Variants in NOLC1 observed in about 807,000 individuals in gnomAD.
The protein encoded by NOLC1 is 140 kDa nucleolar phosphoprotein.
A neutral mutation model predicts 73.4 loss-of-function variants in NOLC1; 37 were observed. The ratio of observed to expected loss-of-function variants is 0.50; its 90% CI spans 0.39 to 0.66. The LOEUF (loss-of-function observed/expected upper bound fraction) is 0.66, where lower values mean the gene tolerates loss of function less well. Ranked by LOEUF, NOLC1 falls within the 30% of genes least tolerant of loss-of-function variation. The pLI is 0.00. For synonymous variants in NOLC1, 327 were observed against 302.6 expected (o/e 1.08, Z -0.84); for missense variants, 921 against 838.9 (o/e 1.10, Z -1.21).
intron 1 of NOLC1, among the ~76,000 whole-genome samples, chr10:102,154,163 T>C (rs1408818364): frequency 2.1e-5 from 3 of 145,282 alleles, no homozygotes; most frequent in South Asian, 2.2e-4. Context: ...CCTCTGCCTC[T>C]CAGGCTAAAG....
At chr10:102,158,287 T>C in intron 5 of NOLC1, 73 bp downstream of exon 5, 1 of 1,373,220 alleles carries the variant, frequency 7.3e-7, no homozygotes, top group Non-Finnish European at 1.0e-6. Context: ...AATTGCCGAT[T>C]TGGCACAGGG....
intron 1 of NOLC1, among the ~76,000 whole-genome samples, chr10:102,156,769 A>C (rs1159649498): frequency 6.6e-6 from 1 of 152,154 alleles, no homozygotes; most frequent in Non-Finnish European, 1.5e-5. Context: ...ACTTTGATCA[A>C]TATAGATTGG....
At position 102,158,284 on chromosome 10, in the gene NOLC1, G is replaced by A. The variant is rs746837228; in HGVS notation, c.607+70G>A. On this transcript the variant is annotated intron_variant, in intron 5 of 12. Coordinates refer to ENST00000605788, the MANE Select transcript of NOLC1 (RefSeq NM_004741.5). ...TCTGGGGACTGGAGTTAAAATTGCCGATTTGGCACAGGGGTGAAATGGTAC... is the reference window on the plus strand; with the variant it reads ...TCTGGGGACTGGAGTTAAAATTGCCAATTTGGCACAGGGGTGAAATGGTAC... The A allele has an allele frequency of 6.5e-5, 91 of 1,404,796 alleles. No individual in the cohort carries two copies. The African/African-American group carries it at 8.6e-4, about 13-fold the overall frequency. 87.0% of individuals were successfully genotyped at this position (1,404,796 alleles called of 1,614,324 possible).
At chr10:102,159,343 C>T (rs770868861) in intron 6 of NOLC1, 35 bp downstream of exon 6, 18 of 1,613,850 alleles carry the variant, frequency 1.1e-5, no homozygotes, top group Non-Finnish European at 1.4e-5. Flanking sequence ...GCAGAGGTGA[C>T]CAGGGTGTGA....
chr10:102,162,218 G>C lies in NOLC1; in HGVS notation c.2049G>C (p.Arg683=). 6.2e-7 allele frequency: 1 copy of C among 1,614,108 alleles called. No individual in the cohort carries two copies. The highest frequency in any genetic ancestry group is 8.5e-7 in the Non-Finnish European group (1 of 1,180,014). Residue 683 remains arginine (R), a synonymous_variant, in exon 13 of 13, where the codon CGG becomes CGC. Coordinates refer to ENST00000605788, the MANE Select transcript of NOLC1 (RefSeq NM_004741.5). ...CCAAGAAGAAGCGGGGCAGCTACCG[G>C]GGAGGCTCAATCTCTGTCCAGGTCA... The part of the protein sequence containing the change: ...EKTKKKRGSY[R]GGSISVQVNS...
At chr10:102,160,415 T>G (rs17114409) in intron 9 of NOLC1, 37 bp from the exon 10 acceptor site, 89,836 of 1,612,032 alleles carry the variant, frequency 0.056, 3,066 homozygotes, top group African/African-American at 0.14. Flanking sequence ...CTGAATCCAA[T>G]TTGGGGAGCT....
chr10:102,159,327 G>C lies in NOLC1; in HGVS notation c.723+19G>C. ...CAAGAAGGTCTGGACCATAACTTCTGTCAGGGCAGAGGTGACCAGGGTGTG... is the reference window on the plus strand; with the variant it reads ...CAAGAAGGTCTGGACCATAACTTCTCTCAGGGCAGAGGTGACCAGGGTGTG... On this transcript the variant is annotated intron_variant, in intron 6 of 12. Transcript: ENST00000605788. The C allele has an allele frequency of 6.2e-7, 1 of 1,614,106 alleles. No individual in the cohort carries two copies. Among genetic ancestry groups the C allele is most frequent in the African/African-American group, 1.3e-5 (1 of 75,024 alleles).
chr10:102,154,901 G>A (rs556836895), intron 1 of NOLC1, among the ~76,000 whole-genome samples: 2 of 152,146 alleles, frequency 1.3e-5, no homozygotes, highest in Non-Finnish European at 2.9e-5. Flanking sequence ...TGTCGCCCAG[G>A]CTGGAGTAAA....
In NOLC1 at chr10:102,161,627, C is replaced by G; in HGVS notation, c.1813C>G (p.Leu605Val). The change falls in exon 11 of 13, where the codon CTT becomes GTT. Residue 605 changes from leucine to valine, a missense_variant. By Grantham distance (32) the Leu-to-Val change is conservative. Coordinates refer to ENST00000605788, the MANE Select transcript of NOLC1 (RefSeq NM_004741.5). ...GACTCCTCAGGCCAAGAAGATAAAG[C>G]TTCAGACCCCTAACACATTTCCAAA... ...AETPQAKKIK[L>V]QTPNTFPKRK... 1 of 1,613,972 alleles carries G rather than the reference C, an allele frequency of 6.2e-7. No homozygotes were observed. Among genetic ancestry groups the G allele is most frequent in the South Asian group, 1.1e-5 (1 of 91,082 alleles).
rs888210518 is a variant in NOLC1 at position 102,159,482 on chromosome 10, C to T, written c.773C>T (p.Thr258Ile). The stretch of plus-strand genomic sequence containing the variant: ...GCCAAGGCCCCAGTGAAAGCAGCTA[C>T]CACCCCTACCCGGAAGAGTTCTAGC... ...VVAKAPVKAA[T>I]TPTRKSSSSE... is the part of the protein sequence containing the mutation. The change falls in exon 7 of 13, where the codon ACC becomes ATC. Residue 258 changes from threonine to isoleucine, a missense_variant. Transcript: ENST00000605788. The T allele has an allele frequency of 3.7e-6, 6 of 1,614,182 alleles. No homozygotes were observed. The highest frequency in any genetic ancestry group is 2.2e-5 in the East Asian group (1 of 44,890).
At chr10:102,157,102 A>G (rs1300269707) in intron 2 of NOLC1, 28 bp downstream of exon 2, 9 of 1,613,848 alleles carry the variant, frequency 5.6e-6, no homozygotes, top group Non-Finnish European at 5.9e-6. Context: ...CATTTTGGCT[A>G]TTTTCTCCCC....
chr10:102,160,164 A>G (rs1177663795), intron 8 of NOLC1, 69 bp from the exon 9 acceptor site: 7 of 1,593,572 alleles, frequency 4.4e-6, no homozygotes, highest in South Asian at 2.2e-5. Flanking sequence ...GTGTCTTTGC[A>G]TTCTTTTTAT....
intron 9 of NOLC1, 36 bp from the exon 10 acceptor site, chr10:102,160,416 T>C (rs747826116): frequency 4.3e-6 from 7 of 1,612,018 alleles, no homozygotes; most frequent in East Asian, 2.2e-5. Context: ...TGAATCCAAT[T>C]TGGGGAGCTG....
rs2069613198 is a variant in NOLC1 at position 102,157,243 on chromosome 10, A to G, written c.231A>G (p.Lys77=). Residue 77 remains lysine, a synonymous_variant, in exon 3 of 13, where the codon AAA becomes AAG. Coordinates refer to ENST00000605788, the MANE Select transcript of NOLC1 (RefSeq NM_004741.5). ...KLQANGPVAK[K]AKKKASSSDS... The stretch of plus-strand genomic sequence containing the variant: ...AGGCAAATGGACCAGTGGCTAAGAA[A>G]GCTAAGAAGAAGGCCTCATCCAGTG... 6.2e-7 allele frequency: 1 copy of G among 1,614,240 alleles called. No individual in the cohort carries two copies. Among genetic ancestry groups the G allele is most frequent in the Non-Finnish European group, 8.5e-7 (1 of 1,180,036 alleles).
intron 1 of NOLC1, among the ~76,000 whole-genome samples, chr10:102,153,143 C>T (rs1208452384): frequency 6.6e-6 from 1 of 152,140 alleles, no homozygotes; most frequent in African/African-American, 2.4e-5. Flanking sequence ...CCAGGCTCTG[C>T]CACTTTTTAG....
At chr10:102,152,633 T>C (rs1232837685) in intron 1 of NOLC1, 103 bp downstream of exon 1, 7 of 1,530,012 alleles carry the variant, frequency 4.6e-6, no homozygotes, top group Non-Finnish European at 5.3e-6. Context: ...GGTCCGCCAG[T>C]CCAGTGTCTG....
Position 102,160,863 on chromosome 10 carries a change from C to T in NOLC1, c.1511C>T (p.Ser504Phe). 6.2e-7 allele frequency: 1 copy of T among 1,614,150 alleles called. No individual in the cohort carries two copies. Among genetic ancestry groups the T allele is most frequent in the Non-Finnish European group, 8.5e-7 (1 of 1,180,026 alleles). ...PQKVAGGAAP[S>F]KPASAKKGKA... ...AAGGTAGCAGGAGGTGCAGCCCCTT[C>T]CAAGCCAGCCTCTGCAAAGAAAGGA... Residue 504 changes from serine (S) to phenylalanine (F), a missense_variant, in exon 10 of 13, where the codon TCC (serine) becomes TTC (phenylalanine). Physicochemically the swap from Ser to Phe is radical, Grantham distance 155. Transcript: ENST00000605788.
intron 1 of NOLC1, among the ~76,000 whole-genome samples, chr10:102,155,388 A>G (rs1450067547): frequency 3.9e-5 from 6 of 151,956 alleles, no homozygotes; most frequent in Non-Finnish European, 7.4e-5. Flanking sequence ...TTCAAAAAAA[A>G]AAAAAGAGAG....
intron 10 of NOLC1, among the ~76,000 whole-genome samples, 161 bp downstream of exon 10, chr10:102,161,254 T>A (rs2069705289): frequency 6.6e-6 from 1 of 151,676 alleles, no homozygotes. Flanking sequence ...TTTTTTTTAT[T>A]AGAGTCTCAC....
Sources: allele counts gnomAD v4.1 joint callset (sites outside exome capture counted in the v4.1 genomes callset), GRCh38; gene constraint gnomAD v4.1.1; transcripts MANE v1.5; gene names NCBI Gene and HGNC (gene_info 2026-07-23, HGNC 2026-07-21).